Variants in CDHR5 observed in about 807,000 individuals in gnomAD.
CDHR5 encodes the protein cadherin related family member 5.
A neutral mutation model predicts 69.5 loss-of-function variants in CDHR5; 82 were observed. The observed-to-expected ratio is 1.18, with a 90% CI of 0.99 to 1.42. CDHR5 has a LOEUF of 1.42. Ranked by LOEUF, CDHR5 falls within the 40% of genes most tolerant of loss-of-function variation. The pLI, the probability that CDHR5 is intolerant of heterozygous loss-of-function variation, is 0.00. For missense variants in CDHR5, 1,293 were observed against 1,168.9 expected (o/e 1.11, Z -1.55); for synonymous variants, 601 against 510.2 (o/e 1.18, Z -2.40).
Position 621,381 on chromosome 11 carries a change from G to T in CDHR5, c.582C>A (p.Tyr194Ter), listed in dbSNP as rs201094666. 1 of 1,613,142 alleles carries T rather than the reference G, an allele frequency of 6.2e-7. No homozygotes were observed. Among genetic ancestry groups the T allele is most frequent in the Non-Finnish European group, 8.5e-7 (1 of 1,179,990 alleles). Residue 194 changes from tyrosine (Y) to a stop codon, truncating the protein, a stop_gained, in exon 6 of 15, where the codon TAC (tyrosine) becomes TAA (stop). Coordinates refer to ENST00000397542, the MANE Select transcript of CDHR5 (RefSeq NM_021924.5). LOFTEE classifies it high-confidence loss of function. This position sits in a 1 kb window ranked among gnomAD's most constrained non-coding sequence, Gnocchi z 4.4. ...ALRLDRPLDF[Y>*]ERPNMTFWLL... is the part of the protein sequence containing the mutation. ...GCCAGAAGGTCATGTTCGGCCGCTC[G>T]TAGAAGTCCAGGGGCCGGTCCAGCC...
rs1857158508 is a variant in CDHR5 at position 618,807 on chromosome 11, G to A, written c.1752C>T (p.Pro584=). 6.2e-7 allele frequency: 1 copy of A among 1,609,828 alleles called. No individual in the cohort carries two copies. Among genetic ancestry groups the A allele is most frequent in the Non-Finnish European group, 8.5e-7 (1 of 1,179,170 alleles). Residue 584 remains proline (P), a synonymous_variant, in exon 13 of 15, where the codon CCC becomes CCT. Coordinates refer to ENST00000397542, the MANE Select transcript of CDHR5 (RefSeq NM_021924.5). ...PEPGTSQPMP[P]SMGTSTSHQP... ...GGTGGGAGGTGCTGGTTCCCATACT[G>A]GGGGGCATCGGCTGAGAGGTTCCTG...
At position 619,404 on chromosome 11, in the gene CDHR5, G is replaced by A. The variant is rs1857214914; in HGVS notation, c.1294-14C>T. 1 of 1,611,932 alleles carries A rather than the reference G, an allele frequency of 6.2e-7. No homozygotes were observed. ...GTGGGCCTCAACCTGGGGCAGGAAG[G>A]GGCTTGTCCCTCCTAGACACATCTT... On this transcript the variant is annotated splice_polypyrimidine_tract_variant and intron_variant, in intron 11 of 14. Coordinates refer to ENST00000397542, the MANE Select transcript of CDHR5 (RefSeq NM_021924.5).
At chr11:620,899 C>T (rs1218699298) in intron 7 of CDHR5, among the ~76,000 whole-genome samples, 181 bp downstream of exon 7, 1 of 152,206 alleles carries the variant, frequency 6.6e-6, no homozygotes, top group African/African-American at 2.4e-5. Flanking sequence ...TTTGCTCCCT[C>T]ACCGCTCAAG....
Position 617,513 on chromosome 11 carries a change from C to G in CDHR5, c.2376G>C (p.Trp792Cys). 6.2e-7 allele frequency: 1 copy of G among 1,612,722 alleles called. No individual in the cohort carries two copies. ...CCTCCGTCCCGATGTCCTCGCCAAA[C>G]CAGACAGCCTTGTACCCGCCCTCCG... ...RRPEGGYKAVWFGEDIGTEAD... is the reference protein window; with the variant it reads ...RRPEGGYKAVCFGEDIGTEAD... The change falls in exon 15 of 15, where the codon TGG (tryptophan) becomes TGC (cysteine). Residue 792 changes from tryptophan to cysteine, a missense_variant. By Grantham distance (215) the Trp-to-Cys change is radical. Transcript: ENST00000397542.
chr11:617,638 C>T lies in CDHR5; in HGVS notation c.2251G>A (p.Gly751Ser), dbSNP rs781324004. 66 of 1,565,318 alleles carry T rather than the reference C, an allele frequency of 4.2e-5. No homozygotes were observed. The highest frequency in any genetic ancestry group is 3.0e-4 in the South Asian group (26 of 86,870). Residue 751 changes from glycine to serine, a missense_variant, in exon 15 of 15, where the codon GGC becomes AGC. Transcript: ENST00000397542. ...APMPAEPAPP[G>S]PASPGGAPEP... ...GGGGCACCGCCTGGGGAGGCAGGGCCGGGGGGTGCGGGCTCTGCGGGCATC... is the reference window on the plus strand; with the variant it reads ...GGGGCACCGCCTGGGGAGGCAGGGCTGGGGGGTGCGGGCTCTGCGGGCATC...
chr11:624,734 T>A lies in CDHR5; in HGVS notation c.86-2A>T, dbSNP rs1473936163. 1 of 1,605,692 alleles carries A rather than the reference T, an allele frequency of 6.2e-7. No individual in the cohort carries two copies. Among genetic ancestry groups the A allele is most frequent in the Non-Finnish European group, 8.5e-7 (1 of 1,174,544 alleles). On this transcript the variant is annotated splice_acceptor_variant, in intron 1 of 14. Transcript: ENST00000397542. LOFTEE classifies it high-confidence loss of function. This position sits in a 1 kb window ranked among gnomAD's most constrained non-coding sequence, Gnocchi z 5.3. ...AGATGTCCTTGTTCACAGAGCAGTC[T>A]GTAAGGTTGCAGAGGAGGGATCAGT...
rs1857346692 is a variant in CDHR5 at position 621,064 on chromosome 11, C to T, written c.789+16G>A. 2.6e-6 allele frequency: 4 copies of T among 1,518,476 alleles called. No homozygotes were observed. The highest frequency in any genetic ancestry group is 2.1e-5 in the Admixed American group (1 of 46,950). 94.1% of individuals were successfully genotyped at this position (1,518,476 alleles called of 1,614,324 possible). A position where few individuals can be genotyped will look rare whatever the true frequency, so the allele number is the denominator to read the frequency against. The stretch of plus-strand genomic sequence containing the variant: ...AGAAGGCCCTGCCCCGTGCACTGCC[C>T]CTCCCTCCCCATTACCAGTATGTGC... On this transcript the variant is annotated intron_variant, in intron 7 of 14. Transcript: ENST00000397542. The surrounding 1 kb of genome is among the most constrained non-coding windows in gnomAD (Gnocchi z 4.4).
Position 617,607 on chromosome 11 carries a change from G to T in CDHR5, c.2282C>A (p.Pro761His). ...GPASPGGAPE[P>H]PAAARAGGSP... ...TCCGCCAGCTCGGGCCGCTGCGGGGGGCTCAGGGGCACCGCCTGGGGAGGC... is the reference window on the plus strand; with the variant it reads ...TCCGCCAGCTCGGGCCGCTGCGGGGTGCTCAGGGGCACCGCCTGGGGAGGC... The change falls in exon 15 of 15, where the codon CCC (proline) becomes CAC (histidine). Residue 761 changes from proline to histidine, a missense_variant. Pro to His is a moderately conservative substitution (Grantham distance 77, BLOSUM62 -2). Transcript: ENST00000397542. The T allele has an allele frequency of 1.9e-6, 3 of 1,602,926 alleles. No individual in the cohort carries two copies. Among genetic ancestry groups the T allele is most frequent in the East Asian group, 2.3e-5 (1 of 44,406 alleles).
rs183406300 is a variant in CDHR5 at position 617,708 on chromosome 11, C to T, written c.2181G>A (p.Ala727=). The change falls in exon 15 of 15, where the codon GCG becomes GCA. Residue 727 remains alanine, a synonymous_variant. Coordinates refer to ENST00000397542, the MANE Select transcript of CDHR5 (RefSeq NM_021924.5). The part of the protein sequence containing the change: ...AFLPDHKANW[A]PVPSPTHDPK... ...GGTCGTGCGTGGGGCTGGGGACGGG[C>T]GCCCAGTTGGCCTTGTGGTCAGGGA... is the stretch of plus-strand genomic sequence containing the variant. 1.1e-3 allele frequency: 1,572 copies of T among 1,460,116 alleles called. 5 individuals are homozygous for T. In the African/African-American group the frequency reaches 0.013, roughly 12 times the overall value. The allele number at this position is 1,460,116 out of a possible 1,614,324, so 90.4% of individuals were successfully genotyped here.
Position 617,332 on chromosome 11 carries a change from G to T in CDHR5, c.*19C>A, listed in dbSNP as rs1167522053. On this transcript the variant is annotated 3_prime_UTR_variant, in exon 15 of 15. Coordinates refer to ENST00000397542, the MANE Select transcript of CDHR5 (RefSeq NM_021924.5). ...ACCTCCAGTGCCCGTGCGGCTGGGG[G>T]AGAGGGTGGAGGGGCCACTTAGATG... The T allele has an allele frequency of 1.3e-6, 2 of 1,564,178 alleles. No individual in the cohort carries two copies. The highest frequency in any genetic ancestry group is 2.3e-5 in the East Asian group (1 of 44,234).
chr11:620,981 T>TGACCCG, intron 7 of CDHR5, 99 bp downstream of exon 7: 1 of 376,990 alleles, frequency 2.7e-6, no homozygotes, highest in South Asian at 3.1e-5. Context: ...CCCCACCCCC[T>TGACCCG]GACCCCGACC....
chr11:620,770 G>A (rs957562987), intron 7 of CDHR5, among the ~76,000 whole-genome samples: 1 of 152,096 alleles, frequency 6.6e-6, no homozygotes, highest in Non-Finnish European at 1.5e-5. Context: ...GCCCAGTGGT[G>A]ACTGTGAGCA....
Position 619,362 on chromosome 11 carries a change from C to T in CDHR5, c.1322G>A (p.Gly441Asp), listed in dbSNP as rs1220691911. 3.1e-6 allele frequency: 5 copies of T among 1,613,558 alleles called. No homozygotes were observed. The highest frequency in any genetic ancestry group is 4.2e-6 in the Non-Finnish European group (5 of 1,179,784). The change falls in exon 12 of 15, where the codon GGC becomes GAC. Residue 441 changes from glycine (G) to aspartate (D), a missense_variant. Transcript: ENST00000397542. ...EVEAHNTVTS[G>D]TATTVIEIQV... Reference sequence around the variant, plus strand: ...TATCTCAATGACTGTGGTTGCGGTGCCAGAGGTCACCGTGTTGTGGGCCTC... The same window carrying T: ...TATCTCAATGACTGTGGTTGCGGTGTCAGAGGTCACCGTGTTGTGGGCCTC...
chr11:619,998 CCCTGA>C, intron 9 of CDHR5, 64 bp downstream of exon 9: 1 of 1,091,828 alleles, frequency 9.2e-7, no homozygotes, highest in Non-Finnish European at 1.3e-6. Flanking sequence ...GGCCCCCCAG[CCCTGA>C]CCCCCCGCCC....
rs550217560 is a variant in CDHR5 at position 617,507 on chromosome 11, G to A, written c.2382C>T (p.Gly794=). Residue 794 remains glycine, a synonymous_variant, in exon 15 of 15, where the codon GGC becomes GGT. Transcript: ENST00000397542. ...CGTCTGCCTCCGTCCCGATGTCCTC[G>A]CCAAACCAGACAGCCTTGTACCCGC... is the stretch of plus-strand genomic sequence containing the variant. The part of the protein sequence containing the change: ...PEGGYKAVWF[G]EDIGTEADVV... The A allele has an allele frequency of 7.5e-5, 121 of 1,612,678 alleles. 2 individuals are homozygous for A. In the South Asian group the frequency reaches 9.8e-4, roughly 13 times the overall value.
At position 621,136 on chromosome 11, in the gene CDHR5, C is replaced by T. The variant is rs987255770; in HGVS notation, c.733G>A (p.Gly245Ser). Residue 245 changes from glycine to serine, a missense_variant, in exon 7 of 15, where the codon GGC (glycine) becomes AGC (serine). Coordinates refer to ENST00000397542, the MANE Select transcript of CDHR5 (RefSeq NM_021924.5). This position sits in a 1 kb window ranked among gnomAD's most constrained non-coding sequence, Gnocchi z 4.4. Reference sequence around the variant, plus strand: ...TACTGAGCTTGAATGCAGACGTAGCCATCTGAGAAGGTGCAGGGCAGGAAC... The same window carrying T: ...TACTGAGCTTGAATGCAGACGTAGCTATCTGAGAAGGTGCAGGGCAGGAAC... ...PWFLPCTFSD[G>S]YVCIQAQYHG... The T allele has an allele frequency of 3.8e-6, 6 of 1,594,996 alleles. No individual in the cohort carries two copies. Among genetic ancestry groups the T allele is most frequent in the Non-Finnish European group, 5.1e-6 (6 of 1,170,250 alleles).
In CDHR5 at chr11:618,004, C is replaced by T. The variant is rs777565045; in HGVS notation, c.2068G>A (p.Val690Ile). The change falls in exon 14 of 15, where the codon GTC becomes ATC. Residue 690 changes from valine to isoleucine, a missense_variant. By Grantham distance (29) the Val-to-Ile change is conservative (BLOSUM62 3). Transcript: ENST00000397542. Reference sequence around the variant, plus strand: ...AGCCGGGGGCCATAGTGCTTGTGGACAAGGACGGCGAGGCCAAGGAGAGCC... The same window carrying T: ...AGCCGGGGGCCATAGTGCTTGTGGATAAGGACGGCGAGGCCAAGGAGAGCC... ...LLALLGLAVL[V>I]HKHYGPRLKC... is the part of the protein sequence containing the mutation. The T allele has an allele frequency of 6.2e-7, 1 of 1,612,386 alleles. No individual in the cohort carries two copies. The highest frequency in any genetic ancestry group is 1.7e-5 in the Admixed American group (1 of 59,934).
At chr11:618,349 C>G (rs1391404470) in intron 13 of CDHR5, among the ~76,000 whole-genome samples, 1 of 152,206 alleles carries the variant, frequency 6.6e-6, no homozygotes, top group African/African-American at 2.4e-5. Flanking sequence ...GGTGCAGGGA[C>G]TTGCAGGGTG....
chr11:619,775 G>A lies in CDHR5; in HGVS notation c.1085C>T (p.Thr362Ile), dbSNP rs750574402. The change falls in exon 10 of 15, where the codon ACC (threonine) becomes ATC (isoleucine). Residue 362 changes from threonine (T) to isoleucine (I), a missense_variant. Transcript: ENST00000397542. ...PRFPQRLYRGTVARGAGAGVV... is the reference protein window; with the variant it reads ...PRFPQRLYRGIVARGAGAGVV... ...GCCCGCTCCAGCGCCACGCGCCACG[G>A]TGCCACGATACAGTCTCTGGGGGAA... is the stretch of plus-strand genomic sequence containing the variant. 6.2e-7 allele frequency: 1 copy of A among 1,610,492 alleles called. No homozygotes were observed. The highest frequency in any genetic ancestry group is 1.1e-5 in the South Asian group (1 of 91,034).
Sources: allele counts gnomAD v4.1 joint callset (sites outside exome capture counted in the v4.1 genomes callset), GRCh38; gene constraint gnomAD v4.1.1; non-coding constraint Gnocchi (gnomAD v3.1); transcripts MANE v1.5; gene names NCBI Gene and HGNC (gene_info 2026-07-23, HGNC 2026-07-21).